ANO10: variants seen among roughly 807,000 people sequenced by gnomAD.
ANO10 encodes anoctamin-10.
A neutral mutation model predicts 74.7 loss-of-function variants in ANO10; 77 were observed. That is an observed-to-expected ratio of 1.03 (90% confidence interval 0.86 to 1.25). ANO10 has a LOEUF of 1.25. ANO10 is among the 50% of genes most tolerant of loss of function. ANO10 has a pLI of 0.00. For missense variants in ANO10, 721 were observed against 778.1 expected, an observed-to-expected ratio of 0.93 and a Z score of 0.87; for synonymous variants, 279 against 284.9, an observed-to-expected ratio of 0.98 and a Z score of 0.21.
chr3:43,440,564 T>C (rs1185025810), intron 11 of ANO10, among the ~76,000 whole-genome samples: 2 of 152,182 alleles, frequency 1.3e-5, no homozygotes, highest in East Asian at 1.9e-4. Flanking sequence ...GAAACAAATA[T>C]TGATGGAATT....
intron 11 of ANO10, among the ~76,000 whole-genome samples, chr3:43,526,744 C>A (rs2078214084): frequency 6.6e-6 from 1 of 152,080 alleles, no homozygotes; most frequent in South Asian, 2.1e-4. Context: ...CCTTAACAAG[C>A]AATTCCTTAA....
intron 1 of ANO10, among the ~76,000 whole-genome samples, chr3:43,684,824 T>C (rs971785326): frequency 6.6e-6 from 1 of 151,928 alleles, no homozygotes; most frequent in Non-Finnish European, 1.5e-5. Flanking sequence ...AGCAAACTAT[T>C]GCAAGGACAA....
intron 1 of ANO10, among the ~76,000 whole-genome samples, chr3:43,606,426 T>C (rs2082566927): frequency 6.6e-6 from 1 of 152,048 alleles, no homozygotes; most frequent in Non-Finnish European, 1.5e-5. Flanking sequence ...TTGTCTAACA[T>C]ACAATGGGAG....
rs914886211 is a variant in ANO10, at chr3:43,555,555, A to C, written c.1477-86T>G. The C allele has an allele frequency of 1.0e-5, 14 of 1,372,214 alleles. No homozygotes were observed. The Admixed American group carries it at 2.9e-4, about 28-fold the overall frequency. 85.0% of individuals were successfully genotyped at this position (1,372,214 alleles called of 1,614,324 possible). ...ATACTAATCAAAGCTGTGGCCTCTAACTATTCAAAAAAACCTCAAAGAGTT... is the reference window on the plus strand; with the variant it reads ...ATACTAATCAAAGCTGTGGCCTCTACCTATTCAAAAAAACCTCAAAGAGTT... On this transcript the variant is annotated intron_variant, in intron 9 of 12. Transcript: ENST00000292246.
At chr3:43,511,854 C>A (rs2149184054) in intron 11 of ANO10, among the ~76,000 whole-genome samples, 1 of 152,274 alleles carries the variant, frequency 6.6e-6, no homozygotes, top group Middle Eastern at 3.4e-3. Flanking sequence ...TACATTAAAA[C>A]AAGAGCACTG....
intron 1 of ANO10, among the ~76,000 whole-genome samples, chr3:43,679,491 C>G (rs1226159968): frequency 6.6e-6 from 1 of 152,194 alleles, no homozygotes; most frequent in Non-Finnish European, 1.5e-5. Flanking sequence ...GCCTGCCAGC[C>G]TCTGTAGACT....
chr3:43,432,365 G>A (rs750058605), intron 12 of ANO10, among the ~76,000 whole-genome samples: 15 of 152,146 alleles, frequency 9.9e-5, no homozygotes, highest in Non-Finnish European at 1.9e-4. Context: ...TTTGCTGAAT[G>A]CTAGCTCTAT....
At chr3:43,542,210 T>C (rs748333052) in intron 11 of ANO10, among the ~76,000 whole-genome samples, 7 of 151,992 alleles carry the variant, frequency 4.6e-5, no homozygotes, top group Non-Finnish European at 1.0e-4. Flanking sequence ...AGATGAGAAA[T>C]GGTAAGAACA....
intron 9 of ANO10, among the ~76,000 whole-genome samples, chr3:43,557,487 G>A (rs2079807995): frequency 6.6e-6 from 1 of 152,078 alleles, no homozygotes; most frequent in Non-Finnish European, 1.5e-5. Context: ...TGTAATTCCA[G>A]CACTTTGGGA....
intron 1 of ANO10, among the ~76,000 whole-genome samples, chr3:43,643,862 T>C (rs181393026): frequency 1.3e-5 from 2 of 151,942 alleles, no homozygotes. Flanking sequence ...TTTTTTGTAT[T>C]TTTAGTAGAG....
At chr3:43,380,184 A>C (rs1233545943) in intron 12 of ANO10, among the ~76,000 whole-genome samples, 1 of 152,214 alleles carries the variant, frequency 6.6e-6, no homozygotes, top group Non-Finnish European at 1.5e-5. Flanking sequence ...GTTTGGGATT[A>C]TGTTAAACAA....
chr3:43,418,920 T>A lies in ANO10; in HGVS notation c.1914+13691A>T, dbSNP rs139876083. Among the ~76,000 whole-genome samples the A allele has an allele frequency of 5.9e-5, 9 of 152,368 alleles. No individual in the cohort carries two copies. The East Asian group carries it at 1.7e-3, about 29-fold the overall frequency. ...ATAGCCACGCTCTTTCATTTACGTATGTCTAAGACTGCTTTTGCATTACAG... is the reference window on the plus strand; with the variant it reads ...ATAGCCACGCTCTTTCATTTACGTAAGTCTAAGACTGCTTTTGCATTACAG... On this transcript the variant is annotated intron_variant, in intron 12 of 12. Transcript: ENST00000292246.
intron 1 of ANO10, among the ~76,000 whole-genome samples, chr3:43,658,788 C>G (rs1308390881): frequency 6.6e-6 from 1 of 152,002 alleles, no homozygotes; most frequent in African/African-American, 2.4e-5. Flanking sequence ...CTTTATGAAT[C>G]TTTATGTAAG....
chr3:43,426,960 C>G (rs939325760), intron 12 of ANO10, among the ~76,000 whole-genome samples: 3 of 152,172 alleles, frequency 2.0e-5, no homozygotes, highest in Admixed American at 1.3e-4. Context: ...TTCCCACATT[C>G]ATTTCAGCAA....
At chr3:43,398,849 G>T (rs1358890336) in intron 12 of ANO10, among the ~76,000 whole-genome samples, 1 of 152,156 alleles carries the variant, frequency 6.6e-6, no homozygotes, top group East Asian at 1.9e-4. Context: ...AGTTTTTTGA[G>T]AAAGGGTCTC....
intron 11 of ANO10, among the ~76,000 whole-genome samples, chr3:43,441,271 A>C (rs2093155464): frequency 6.6e-6 from 1 of 152,026 alleles, no homozygotes; most frequent in South Asian, 2.1e-4. Context: ...AGATCAACAA[A>C]ATTAACAAAT....
intron 7 of ANO10, among the ~76,000 whole-genome samples, chr3:43,574,043 C>T (rs1468094444): frequency 2.0e-5 from 3 of 151,934 alleles, no homozygotes; most frequent in Non-Finnish European, 4.4e-5. Flanking sequence ...CAACCCCCGC[C>T]TCCTGGGTTC....
chr3:43,372,925 T>C, intron 12 of ANO10: 1 of 1,380,976 alleles, frequency 7.2e-7, no homozygotes, highest in Non-Finnish European at 9.8e-7. Flanking sequence ...AGCCTCTTTT[T>C]TTCATGCGTA....
chr3:43,458,533 T>A (rs1316650994), intron 11 of ANO10, among the ~76,000 whole-genome samples: 2 of 152,194 alleles, frequency 1.3e-5, no homozygotes, highest in Non-Finnish European at 2.9e-5. Context: ...TAGGAAATAT[T>A]TCTACAGGAA....
Sources: gnomAD v4.1 joint callset for allele counts (sites outside exome capture counted in the v4.1 genomes callset) on GRCh38, gnomAD v4.1.1 for gene constraint, MANE v1.5 for transcripts, NCBI Gene and HGNC (gene_info 2026-07-23, HGNC 2026-07-21) for gene names.